The following DNAJB2 variants were observed in gnomAD, a reference collection of about 807,000 sequenced individuals.
DNAJB2 encodes the protein DnaJ heat shock protein family (Hsp40) member B2, also known as dnaJ homolog subfamily B member 2.
DNAJB2 carries 19 observed loss-of-function variants against 33.3 expected under a neutral mutation model. The observed-to-expected ratio is 0.57, with a 90% CI of 0.40 to 0.84. DNAJB2 has a LOEUF of 0.84. DNAJB2 is among the 40% of genes least tolerant of loss of function. The probability of loss-of-function intolerance (pLI) is 0.00; values close to 1 mark genes in which losing one functional copy is unlikely to be tolerated. For synonymous variants in DNAJB2, 172 were observed against 164.6 expected (o/e 1.04, Z -0.34); for missense variants, 368 against 430.9 (o/e 0.85, Z 1.29).
Position 219,280,607 on chromosome 2 carries a change from C to T in DNAJB2, c.95C>T (p.Pro32Leu), listed in dbSNP as rs1951895526. 1 of 1,613,948 alleles carries T rather than the reference C, an allele frequency of 6.2e-7. No individual in the cohort carries two copies. The highest frequency in any genetic ancestry group is 1.7e-5 in the Admixed American group (1 of 59,990). ...AYRRKALQWH[P>L]DKNPDNKEFA... ...CGGCGCAAGGCTCTCCAGTGGCACC[C>T]AGACAAAAACCCAGATAATAAAGAG... The change falls in exon 3 of 9, where the codon CCA (proline) becomes CTA (leucine). Residue 32 changes from proline (P) to leucine (L), a missense_variant. Coordinates refer to ENST00000336576, the MANE Select transcript of DNAJB2 (RefSeq NM_006736.6).
chr2:219,281,805 G>A (rs1951907014), intron 4 of DNAJB2, 34 bp downstream of exon 4: 1 of 1,613,844 alleles, frequency 6.2e-7, no homozygotes, highest in South Asian at 1.1e-5. Flanking sequence ...GAATGGAGGT[G>A]GGGCAGGGAG....
At position 219,285,384 on chromosome 2, in the gene DNAJB2, C is replaced by G. The variant is rs1951945893; in HGVS notation, c.*397C>G. 9.9e-7 allele frequency: 1 copy of G among 1,013,366 alleles called. No individual in the cohort carries two copies. The highest frequency in any genetic ancestry group is 1.7e-5 in the African/African-American group (1 of 58,326). The allele number at this position is 1,013,366 out of a possible 1,614,324, so 62.8% of individuals were successfully genotyped here. ...GTTGTCTGAGCCGGAGCCGGCAGCT[C>G]CACTGGAGAGCAGTGCAGGCAGAGT... On this transcript the variant is annotated 3_prime_UTR_variant, in exon 9 of 9. Transcript: ENST00000336576.
intron 8 of DNAJB2, among the ~76,000 whole-genome samples, chr2:219,283,995 C>G (rs562192474): frequency 6.6e-6 from 1 of 152,238 alleles, no homozygotes; most frequent in Non-Finnish European, 1.5e-5. Flanking sequence ...TAACCTTTCA[C>G]GCCTGCTGAC....
At chr2:219,282,800 A>G in intron 5 of DNAJB2, 37 bp from the exon 6 acceptor site, 3 of 1,525,632 alleles carry the variant, frequency 2.0e-6, no homozygotes, top group South Asian at 2.6e-5. Context: ...GGGAAATGTC[A>G]TTACCAGATG....
In DNAJB2 at chr2:219,283,129, C is replaced by G; in HGVS notation, c.446-4C>G. ...CTCCTCCTCCTCCCTTGTCCCGATGCCAGATTTCTCCTCCTCATCTTTCTC... is the reference window on the plus strand; with the variant it reads ...CTCCTCCTCCTCCCTTGTCCCGATGGCAGATTTCTCCTCCTCATCTTTCTC... On this transcript the variant is annotated splice_polypyrimidine_tract_variant and splice_region_variant and intron_variant, in intron 6 of 8. Transcript: ENST00000336576. 1 of 1,614,182 alleles carries G rather than the reference C, an allele frequency of 6.2e-7. No homozygotes were observed. The highest frequency in any genetic ancestry group is 8.5e-7 in the Non-Finnish European group (1 of 1,180,002).
chr2:219,280,059 G>T, intron 2 of DNAJB2, 161 bp downstream of exon 2: 2 of 708,252 alleles, frequency 2.8e-6, no homozygotes, highest in South Asian at 3.5e-5. Context: ...AGAGACCCCT[G>T]GTAGAGTACA....
chr2:219,284,646 C>CTGGCACTGGGCT lies in DNAJB2; in HGVS notation c.638_649dup (p.Ala213_Leu216dup), dbSNP rs1016678138. On this transcript the variant is annotated inframe_insertion, in exon 9 of 9. Transcript: ENST00000336576. ...GACTCTTGCAGGTGTCCCAGATGAC[C>CTGGCACTGGGCT]TGGCACTGGGCTTGGAGCTGAGCCG... 2 of 1,590,322 alleles carry CTGGCACTGGGCT rather than the reference C, an allele frequency of 1.3e-6. No homozygotes were observed. The highest frequency in any genetic ancestry group is 1.7e-6 in the Non-Finnish European group (2 of 1,164,170).
chr2:219,285,666 A>G lies in DNAJB2; in HGVS notation c.*679A>G. ...GGTAGGGCTGTGAGATCTTCTGGGG[A>G]GGCTAGCCGGGTGGGGCGGGAGCCT... On this transcript the variant is annotated 3_prime_UTR_variant, in exon 9 of 9. Transcript: ENST00000336576. The G allele has an allele frequency of 1.7e-6, 2 of 1,165,540 alleles. No homozygotes were observed. Among genetic ancestry groups the G allele is most frequent in the Non-Finnish European group, 2.1e-6 (2 of 942,612 alleles). 72.2% of individuals were successfully genotyped at this position (1,165,540 alleles called of 1,614,324 possible). A position where few individuals can be genotyped will look rare whatever the true frequency, so the allele number is the denominator to read the frequency against.
At chr2:219,284,250 TTAAAC>T (rs1317805764) in intron 8 of DNAJB2, among the ~76,000 whole-genome samples, 1 of 152,162 alleles carries the variant, frequency 6.6e-6, no homozygotes, top group African/African-American at 2.4e-5. Context: ...CAGCTAATTT[TTAAAC>T]TATTTTGTAG....
chr2:219,285,551 A>G lies in DNAJB2; in HGVS notation c.*564A>G, dbSNP rs969993342. 6 of 1,025,724 alleles carry G rather than the reference A, an allele frequency of 5.8e-6. No individual in the cohort carries two copies. The East Asian group carries it at 4.5e-4, about 77-fold the overall frequency. 63.5% of individuals were successfully genotyped at this position (1,025,724 alleles called of 1,614,324 possible). On this transcript the variant is annotated 3_prime_UTR_variant, in exon 9 of 9. Coordinates refer to ENST00000336576, the MANE Select transcript of DNAJB2 (RefSeq NM_006736.6). ...CTCTCTGCAACTCCCTGCGGGCCGC[A>G]TCGCTTGCTTTCACTGCCGTCTGGC... is the stretch of plus-strand genomic sequence containing the variant.
chr2:219,285,165 G>A lies in DNAJB2; in HGVS notation c.*178G>A. The stretch of plus-strand genomic sequence containing the variant: ...GTGGACTTGGGATTTGCTGTGCTCA[G>A]CCCAGGGCTGATAGGTCCCTGGTGA... On this transcript the variant is annotated 3_prime_UTR_variant, in exon 9 of 9. Coordinates refer to ENST00000336576, the MANE Select transcript of DNAJB2 (RefSeq NM_006736.6). 1 of 1,311,188 alleles carries A rather than the reference G, an allele frequency of 7.6e-7. No homozygotes were observed. The highest frequency in any genetic ancestry group is 9.7e-7 in the Non-Finnish European group (1 of 1,029,254). The allele number at this position is 1,311,188 out of a possible 1,614,324, so 81.2% of individuals were successfully genotyped here.
intron 8 of DNAJB2, among the ~76,000 whole-genome samples, chr2:219,283,880 T>G (rs1951929299): frequency 6.6e-6 from 1 of 152,102 alleles, no homozygotes; most frequent in Non-Finnish European, 1.5e-5. Flanking sequence ...CCAAGACTCT[T>G]TCCTTCCAAG....
Position 219,280,078 on chromosome 2 carries a change from G to A in DNAJB2, c.65+180G>A, listed in dbSNP as rs1559285322. On this transcript the variant is annotated intron_variant, in intron 2 of 8. Transcript: ENST00000336576. ...ACCCCTGGTAGAGTACAAGGAGAAC[G>A]TCCAGAGAGTGAAGTAGTTAGTTCC... The A allele has an allele frequency of 6.3e-6, 4 of 634,912 alleles. No homozygotes were observed. The East Asian group carries it at 8.4e-5, about 13-fold the overall frequency. The allele number at this position is 634,912 out of a possible 1,614,324, so 39.3% of individuals were successfully genotyped here.
intron 2 of DNAJB2, chr2:219,280,319 T>G (rs1951892745): frequency 3.6e-6 from 2 of 561,304 alleles, no homozygotes; most frequent in Non-Finnish European, 6.3e-6. Flanking sequence ...GCAGCCCCAG[T>G]CCAGTGAGCC....
chr2:219,283,570 C>T, intron 8 of DNAJB2, 81 bp downstream of exon 8: 1 of 1,421,048 alleles, frequency 7.0e-7, no homozygotes, highest in South Asian at 1.3e-5. Context: ...AACTGCTGCT[C>T]TCTGAACTCA....
chr2:219,279,852 A>T lies in DNAJB2; in HGVS notation c.19A>T (p.Ile7Phe). Residue 7 changes from isoleucine (I) to phenylalanine (F), a missense_variant, in exon 2 of 9, where the codon ATC (isoleucine) becomes TTC (phenylalanine). By Grantham distance (21) the Ile-to-Phe change is conservative. Coordinates refer to ENST00000336576, the MANE Select transcript of DNAJB2 (RefSeq NM_006736.6). This position sits in a 1 kb window ranked among gnomAD's most constrained non-coding sequence, Gnocchi z 4.9. ...AGTTGCCATGGCATCCTACTACGAG[A>T]TCCTAGACGTGCCGCGAAGTGCGTC... MASYYE[I>F]LDVPRSASAD... 6.2e-7 allele frequency: 1 copy of T among 1,613,888 alleles called. No individual in the cohort carries two copies. The highest frequency in any genetic ancestry group is 8.5e-7 in the Non-Finnish European group (1 of 1,179,940).
chr2:219,281,406 C>T, intron 3 of DNAJB2: 1 of 368,130 alleles, frequency 2.7e-6, no homozygotes, highest in Non-Finnish European at 4.9e-6. Flanking sequence ...CATTAGCTAA[C>T]ATTTATTGAA....
Position 219,284,877 on chromosome 2 carries a change from G to A in DNAJB2, c.865G>A (p.Ala289Thr), listed in dbSNP as rs768190494. 1.9e-6 allele frequency: 3 copies of A among 1,607,992 alleles called. No homozygotes were observed. Among genetic ancestry groups the A allele is most frequent in the East Asian group, 2.2e-5 (1 of 44,692 alleles). The change falls in exon 9 of 9, where the codon GCC (alanine) becomes ACC (threonine). Residue 289 changes from alanine to threonine, a missense_variant. Transcript: ENST00000336576. ...AQHRRQGRPK[A>T]QHQDPGLGGT... is the part of the protein sequence containing the mutation. The stretch of plus-strand genomic sequence containing the variant: ...GCACCGACGGCAGGGGCGGCCCAAG[G>A]CCCAGCACCAAGATCCAGGCTTGGG...
At position 219,286,289 on chromosome 2, in the gene DNAJB2, G is replaced by A; in HGVS notation, c.*1302G>A. ...AGGTGGTGTATGGTTACGGAGCTGT[G>A]CATCTTGGGACATGTAGTAGCCCAG... On this transcript the variant is annotated 3_prime_UTR_variant, in exon 9 of 9. Transcript: ENST00000336576. The A allele has an allele frequency of 2.4e-6, 1 of 417,698 alleles. No homozygotes were observed. The highest frequency in any genetic ancestry group is 4.4e-6 in the Non-Finnish European group (1 of 227,952). 25.9% of individuals were successfully genotyped at this position (417,698 alleles called of 1,614,324 possible).
Sources: allele counts gnomAD v4.1 joint callset (sites outside exome capture counted in the v4.1 genomes callset), GRCh38; gene constraint gnomAD v4.1.1; non-coding constraint Gnocchi (gnomAD v3.1); transcripts MANE v1.5; gene names NCBI Gene and HGNC (gene_info 2026-07-23, HGNC 2026-07-21).